The following DIS3L2 variants were observed in gnomAD, a reference collection of about 807,000 sequenced individuals.
The protein encoded by DIS3L2 is DIS3-like exonuclease 2.
A neutral mutation model predicts 97.5 loss-of-function variants in DIS3L2; 34 were observed. The ratio of observed to expected loss-of-function variants is 0.35; its 90% CI spans 0.27 to 0.46. The LOEUF is 0.46. DIS3L2 is among the 20% of genes least tolerant of loss of function. The probability of loss-of-function intolerance (pLI) is 1.00; values close to 1 mark genes in which losing one functional copy is unlikely to be tolerated. For synonymous variants in DIS3L2, 435 were observed against 445.2 expected (o/e 0.98, Z 0.29); for missense variants, 1,038 against 1,146.0 (o/e 0.91, Z 1.36).
intron 4 of DIS3L2, among the ~76,000 whole-genome samples, chr2:232,026,700 C>T (rs1694669005): frequency 6.6e-6 from 1 of 152,006 alleles, no homozygotes; most frequent in Non-Finnish European, 1.5e-5. Context: ...TCCTATGGTT[C>T]CTGCAAGCTA....
rs1412232883 is a variant in DIS3L2 at position 232,269,367 on chromosome 2, C to T, written c.1659+5927C>T. Among the ~76,000 whole-genome samples the T allele has an allele frequency of 2.6e-5, 4 of 152,210 alleles. No homozygotes were observed. Among genetic ancestry groups the T allele is most frequent in the Non-Finnish European group, 5.9e-5 (4 of 68,040 alleles). Reference sequence around the variant, plus strand: ...ATGGGTACATTTATCCTGTCTGGCTCTTCCTTGGTCTTATTATTTATGTTG... The same window carrying T: ...ATGGGTACATTTATCCTGTCTGGCTTTTCCTTGGTCTTATTATTTATGTTG... On this transcript the variant is annotated intron_variant, in intron 13 of 20. Coordinates refer to ENST00000325385, the MANE Select transcript of DIS3L2 (RefSeq NM_152383.5). This position sits in a 1 kb window ranked among gnomAD's most constrained non-coding sequence, Gnocchi z 4.5.
downstream of DIS3L2, among the ~76,000 whole-genome samples, chr2:232,338,251 C>A (rs896955062): frequency 6.6e-6 from 1 of 152,106 alleles, no homozygotes. Context: ...CTGACCCTGT[C>A]CCCCAGGGCC....
intron 13 of DIS3L2, among the ~76,000 whole-genome samples, chr2:232,270,878 C>G (rs1011227814): frequency 5.9e-4 from 79 of 134,040 alleles, no homozygotes; most frequent in Non-Finnish European, 9.5e-4. Flanking sequence ...CTCTCTCTCT[C>G]TCTCTCTCTC....
chr2:231,963,812 A>G (rs1019356008), intron 1 of DIS3L2, among the ~76,000 whole-genome samples: 3 of 152,128 alleles, frequency 2.0e-5, no homozygotes, highest in Non-Finnish European at 4.4e-5. Context: ...TCGATTTCCC[A>G]GGCTCAAGTG....
chr2:232,287,147 C>T (rs1430142945), intron 13 of DIS3L2, among the ~76,000 whole-genome samples: 1 of 152,138 alleles, frequency 6.6e-6, no homozygotes. Flanking sequence ...GCCCTACAGC[C>T]TCTAGAGAGA....
At chr2:232,289,299 G>A (rs1289014472) in intron 13 of DIS3L2, among the ~76,000 whole-genome samples, 4 of 150,532 alleles carry the variant, frequency 2.7e-5, no homozygotes, top group Non-Finnish European at 5.9e-5. Flanking sequence ...ACTGGCCCGT[G>A]TTCTTGCCTC....
At chr2:232,175,962 T>G (rs1054627883) in intron 9 of DIS3L2, among the ~76,000 whole-genome samples, 3 of 152,224 alleles carry the variant, frequency 2.0e-5, no homozygotes, top group African/African-American at 4.8e-5. Context: ...CGATTTCAAC[T>G]TACTGCAACC....
intron 3 of DIS3L2, among the ~76,000 whole-genome samples, chr2:232,019,154 G>T (rs1038205631): frequency 6.6e-6 from 1 of 152,200 alleles, no homozygotes; most frequent in Non-Finnish European, 1.5e-5. Flanking sequence ...GTTCCTCTTA[G>T]AATAGAATAT....
intron 5 of DIS3L2, among the ~76,000 whole-genome samples, chr2:232,046,353 C>T (rs933051335): frequency 4.6e-5 from 7 of 152,174 alleles, no homozygotes; most frequent in African/African-American, 1.7e-4. Flanking sequence ...GGAAGAATCT[C>T]AGGCCCAAGA....
At chr2:232,329,787 C>CCCGGGGGGA in intron 14 of DIS3L2, 26 bp from the exon 15 acceptor site, 5 of 1,062,206 alleles carry the variant, frequency 4.7e-6, no homozygotes, top group Non-Finnish European at 6.5e-6. Flanking sequence ...CCCAGCGGTC[C>CCCGGGGGGA]CTCCCATCCC....
intron 4 of DIS3L2, among the ~76,000 whole-genome samples, chr2:232,024,543 G>A (rs528865069): frequency 6.6e-6 from 1 of 152,264 alleles, no homozygotes; most frequent in South Asian, 2.1e-4. Context: ...TGAAAGGGAT[G>A]GCATTTGTTA....
At chr2:232,170,884 A>C (rs932783463) in intron 9 of DIS3L2, among the ~76,000 whole-genome samples, 1 of 152,212 alleles carries the variant, frequency 6.6e-6, no homozygotes. Context: ...TAGCAACTTG[A>C]AAGGAGAGTC....
At chr2:232,174,608 A>C (rs1449751868) in intron 9 of DIS3L2, among the ~76,000 whole-genome samples, 2 of 139,654 alleles carry the variant, frequency 1.4e-5, no homozygotes, top group Non-Finnish European at 3.2e-5. Flanking sequence ...AAAAAAAAAA[A>C]ATTGTTAGCT....
intron 5 of DIS3L2, among the ~76,000 whole-genome samples, chr2:232,063,341 T>A (rs779461690): frequency 1.1e-4 from 17 of 152,242 alleles, no homozygotes; most frequent in Non-Finnish European, 2.4e-4. Flanking sequence ...TGGCTATCTT[T>A]CTTTTAAGCA....
chr2:232,019,350 A>C (rs960385060), intron 3 of DIS3L2, among the ~76,000 whole-genome samples: 1 of 152,072 alleles, frequency 6.6e-6, no homozygotes, highest in African/African-American at 2.4e-5. Flanking sequence ...CCAGAAGTTT[A>C]AGACCAGCCT....
At chr2:232,087,951 T>A in intron 6 of DIS3L2, 1 of 506,140 alleles carries the variant, frequency 2.0e-6, no homozygotes. Flanking sequence ...GTTGCCACAT[T>A]CCTAATAGGC....
intron 1 of DIS3L2, among the ~76,000 whole-genome samples, chr2:231,983,766 G>T (rs1017626372): frequency 1.1e-4 from 16 of 151,862 alleles, no homozygotes; most frequent in African/African-American, 3.9e-4. Flanking sequence ...GCATGCACCT[G>T]TAATCCCAGC....
At chr2:232,038,980 G>A (rs1295764622) in intron 5 of DIS3L2, among the ~76,000 whole-genome samples, 2 of 152,180 alleles carry the variant, frequency 1.3e-5, no homozygotes, top group African/African-American at 4.8e-5. Context: ...CTCCTACAGA[G>A]GGGCTGCTGG....
intron 20 of DIS3L2, chr2:232,336,189 T>C (rs1316127001): frequency 1.2e-5 from 18 of 1,533,460 alleles, no homozygotes; most frequent in Non-Finnish European, 1.2e-5. Flanking sequence ...CCCAAGAAAT[T>C]GTCTGGAACC....
Sources: gnomAD v4.1 joint callset for allele counts (sites outside exome capture counted in the v4.1 genomes callset) on GRCh38, gnomAD v4.1.1 for gene constraint, Gnocchi (gnomAD v3.1) non-coding constraint, MANE v1.5 for transcripts, NCBI Gene and HGNC (gene_info 2026-07-23, HGNC 2026-07-21) for gene names.